ST6GALNAC3: variants seen among roughly 807,000 people sequenced by gnomAD.
ST6GALNAC3 encodes ST6 N-acetylgalactosaminide alpha-2,6-sialyltransferase 3, also known as alpha-N-acetylgalactosaminide alpha-2,6-sialyltransferase 3.
ST6GALNAC3 carries 25 observed loss-of-function variants against 32.7 expected under a neutral mutation model. The observed-to-expected ratio is 0.76, with a 90% confidence interval of 0.56 to 1.07. The LOEUF is 1.07. Ranked by LOEUF, ST6GALNAC3 falls within the 50% of genes least tolerant of loss-of-function variation. The probability of loss-of-function intolerance (pLI) is 0.00; values close to 1 mark genes in which losing one functional copy is unlikely to be tolerated. For missense variants in ST6GALNAC3, 355 were observed against 382.4 expected (o/e 0.93, Z 0.60); for synonymous variants, 129 against 133.1 (o/e 0.97, Z 0.21).
intron 3 of ST6GALNAC3, among the ~76,000 whole-genome samples, chr1:76,586,656 A>G (rs1646966612): frequency 6.6e-6 from 1 of 152,236 alleles, no homozygotes; most frequent in Admixed American, 6.5e-5. Flanking sequence ...TTAAGAACCA[A>G]AGGCATTTTA....
At position 76,226,189 on chromosome 1, in the gene ST6GALNAC3, G is replaced by A. The variant is rs1308568842; in HGVS notation, c.19-87616G>A. On this transcript the variant is annotated intron_variant, in intron 1 of 4. Coordinates refer to ENST00000328299, the MANE Select transcript of ST6GALNAC3 (RefSeq NM_152996.4). ...CTTCTTGTCTGGCAGATAGTAGAGG[G>A]TGTGAAATATTGAAATTTGACTTAA... 3.3e-5 allele frequency among the ~76,000 whole-genome samples: 5 copies of A among 152,306 alleles called. No homozygotes were observed. The Middle Eastern group carries it at 0.01, about 311-fold the overall frequency.
At position 76,629,888 on chromosome 1, in the gene ST6GALNAC3, G is replaced by T; in HGVS notation, c.*1082G>T. On this transcript the variant is annotated 3_prime_UTR_variant, in exon 5 of 5. Coordinates refer to ENST00000328299, the MANE Select transcript of ST6GALNAC3 (RefSeq NM_152996.4). ...CCAAGTGCCAGCTGTTACACATGGA[G>T]AGGAAATGATTCCTTATATTAAACC... The T allele has an allele frequency of 1.0e-6, 1 of 985,054 alleles. No individual in the cohort carries two copies. Among genetic ancestry groups the T allele is most frequent in the Non-Finnish European group, 1.2e-6 (1 of 829,716 alleles). 61.0% of individuals were successfully genotyped at this position (985,054 alleles called of 1,614,324 possible). A position where few individuals can be genotyped will look rare whatever the true frequency, so the allele number is the denominator to read the frequency against.
intron 1 of ST6GALNAC3, among the ~76,000 whole-genome samples, chr1:76,170,208 T>C (rs1037021161): frequency 6.6e-6 from 1 of 152,202 alleles, no homozygotes. Flanking sequence ...AGGAATCCAC[T>C]GCGGTGAAGG....
chr1:76,241,314 G>C (rs777106204), intron 1 of ST6GALNAC3, among the ~76,000 whole-genome samples: 1 of 152,132 alleles, frequency 6.6e-6, no homozygotes, highest in Non-Finnish European at 1.5e-5. Context: ...GTTCAAGGTT[G>C]GGCATCTGAT....
chr1:76,447,031 G>A (rs1657027193), intron 3 of ST6GALNAC3, among the ~76,000 whole-genome samples: 1 of 152,166 alleles, frequency 6.6e-6, no homozygotes, highest in Non-Finnish European at 1.5e-5. Flanking sequence ...GGTTGGAACA[G>A]TTTGGAGGGC....
At chr1:76,543,934 T>C (rs982134729) in intron 3 of ST6GALNAC3, among the ~76,000 whole-genome samples, 2 of 152,166 alleles carry the variant, frequency 1.3e-5, no homozygotes, top group African/African-American at 4.8e-5. Flanking sequence ...CATTTGTTAA[T>C]TCAGTGAATA....
intron 1 of ST6GALNAC3, among the ~76,000 whole-genome samples, chr1:76,229,371 C>G (rs986490039): frequency 1.3e-5 from 2 of 152,188 alleles, no homozygotes; most frequent in African/African-American, 4.8e-5. Context: ...ACAAATCAGA[C>G]AGGATGCCCC....
intron 1 of ST6GALNAC3, among the ~76,000 whole-genome samples, chr1:76,172,818 A>G (rs672294): frequency 0.99 from 150,129 of 152,316 alleles, 74,029 homozygotes; most frequent in East Asian, 1. Context: ...ACAAACCACT[A>G]CTCAACGAAA....
At chr1:76,152,436 C>T (rs1651104711) in intron 1 of ST6GALNAC3, among the ~76,000 whole-genome samples, 1 of 152,182 alleles carries the variant, frequency 6.6e-6, no homozygotes, top group Admixed American at 6.5e-5. Flanking sequence ...TTGTGCACAC[C>T]ACATACTTGT....
intron 3 of ST6GALNAC3, among the ~76,000 whole-genome samples, chr1:76,544,589 C>T (rs903118354): frequency 6.6e-6 from 1 of 152,102 alleles, no homozygotes; most frequent in East Asian, 1.9e-4. Flanking sequence ...CCATTTAATA[C>T]ACCATTTACT....
chr1:76,531,548 T>G (rs2101822017), intron 3 of ST6GALNAC3, among the ~76,000 whole-genome samples: 1 of 152,350 alleles, frequency 6.6e-6, no homozygotes, highest in Non-Finnish European at 1.5e-5. Flanking sequence ...GTTAGCCAGA[T>G]ATAGAAATCT....
At chr1:76,519,616 T>A (rs1662388458) in intron 3 of ST6GALNAC3, among the ~76,000 whole-genome samples, 1 of 152,158 alleles carries the variant, frequency 6.6e-6, no homozygotes, top group African/African-American at 2.4e-5. Flanking sequence ...TATAGTTGGT[T>A]CATTAATCTT....
rs529094741 is a variant in ST6GALNAC3, at chr1:76,416,684, G to A, written c.623+4267G>A. On this transcript the variant is annotated intron_variant, in intron 3 of 4. Transcript: ENST00000328299. Reference sequence around the variant, plus strand: ...ACTCTGTCACCCAGGCTGGAGTGCAGTGGCATGATCTCTGTTCACTACAAC... The same window carrying A: ...ACTCTGTCACCCAGGCTGGAGTGCAATGGCATGATCTCTGTTCACTACAAC... Among the ~76,000 whole-genome samples, 675 of 138,936 alleles carry A rather than the reference G, an allele frequency of 4.9e-3. 7 individuals are homozygous for A. The highest frequency in any genetic ancestry group is 0.016 in the African/African-American group (611 of 37,316). 91.1% of individuals were successfully genotyped at this position (138,936 alleles called of 152,430 possible). A position where few individuals can be genotyped will look rare whatever the true frequency, so the allele number is the denominator to read the frequency against.
intron 3 of ST6GALNAC3, among the ~76,000 whole-genome samples, chr1:76,618,947 A>G (rs1338907134): frequency 6.6e-6 from 1 of 152,172 alleles, no homozygotes; most frequent in Non-Finnish European, 1.5e-5. Context: ...CTAGCACAGA[A>G]AGGTTGCGAG....
intron 2 of ST6GALNAC3, among the ~76,000 whole-genome samples, chr1:76,332,704 T>C (rs1570860269): frequency 6.6e-6 from 1 of 152,200 alleles, no homozygotes; most frequent in East Asian, 1.9e-4. Context: ...TTCTGGTATC[T>C]GCCCACCTCT....
intron 1 of ST6GALNAC3, among the ~76,000 whole-genome samples, chr1:76,104,032 AT>A (rs1293398828): frequency 6.6e-6 from 1 of 152,158 alleles, no homozygotes; most frequent in Non-Finnish European, 1.5e-5. Flanking sequence ...GTACGTTGAA[AT>A]TCTCAACTTT....
At chr1:76,196,153 T>C (rs1654191970) in intron 1 of ST6GALNAC3, among the ~76,000 whole-genome samples, 3 of 152,202 alleles carry the variant, frequency 2.0e-5, no homozygotes, top group Non-Finnish European at 4.4e-5. Context: ...ATAAGTGTTA[T>C]TATTGTGAAA....
intron 3 of ST6GALNAC3, among the ~76,000 whole-genome samples, chr1:76,468,023 T>C (rs962592900): frequency 2.0e-5 from 3 of 151,794 alleles, no homozygotes; most frequent in Non-Finnish European, 2.9e-5. Flanking sequence ...TTATATTTTC[T>C]TTTTTTCTAA....
At chr1:76,347,084 A>G (rs114668562) in intron 2 of ST6GALNAC3, among the ~76,000 whole-genome samples, 2 of 151,890 alleles carry the variant, frequency 1.3e-5, no homozygotes, top group African/African-American at 4.8e-5. Flanking sequence ...CCTAAGGGTC[A>G]TCTCACTCTG....
Sources: gnomAD v4.1 joint callset for allele counts (sites outside exome capture counted in the v4.1 genomes callset) on GRCh38, gnomAD v4.1.1 for gene constraint, MANE v1.5 for transcripts, NCBI Gene and HGNC (gene_info 2026-07-23, HGNC 2026-07-21) for gene names.